REDIC1: variants seen among roughly 807,000 people sequenced by gnomAD.
REDIC1 encodes HEI10 Interacting Protein 1.
At chr12:39,711,266 T>G in the REDIC1 span, among the ~76,000 whole-genome samples, 1 of 149,868 alleles carries the variant, frequency 6.7e-6, no homozygotes, top group African/African-American at 2.4e-5. Context: ...ATATGTGATA[T>G]GTGTATATAT....
chr12:39,865,993 A>G, the REDIC1 span, among the ~76,000 whole-genome samples: 1 of 152,270 alleles, frequency 6.6e-6, no homozygotes, highest in East Asian at 1.9e-4. Flanking sequence ...GTTAACTTAT[A>G]TAACGAGCCT....
At chr12:39,703,122 T>A in the REDIC1 span, among the ~76,000 whole-genome samples, 8 of 152,106 alleles carry the variant, frequency 5.3e-5, no homozygotes, top group African/African-American at 1.7e-4. Flanking sequence ...GGGATTATAT[T>A]AGGAAAAGAG....
the REDIC1 span, among the ~76,000 whole-genome samples, chr12:39,794,247 T>C: frequency 6.6e-6 from 1 of 151,594 alleles, no homozygotes; most frequent in Non-Finnish European, 1.5e-5. Flanking sequence ...GTTTTTCCCC[T>C]ATAAAACCCC....
chr12:39,653,558 T>TTCTTCTTCTTTTTCTTCTTCTTCTTCTTC, the REDIC1 span, among the ~76,000 whole-genome samples: 1 of 43,844 alleles, frequency 2.3e-5, no homozygotes, highest in African/African-American at 6.9e-5. Context: ...CTTCTTCTTC[T>TTCTTCTTCTTTTTCTTCTTCTTCTTCTTC]TTCTTCTTCT....
the REDIC1 span, among the ~76,000 whole-genome samples, chr12:39,896,695 C>A: frequency 6.6e-6 from 1 of 151,808 alleles, no homozygotes; most frequent in African/African-American, 2.4e-5. Context: ...TCGTTATCTG[C>A]AATTTAAGAC....
the REDIC1 span, among the ~76,000 whole-genome samples, chr12:39,794,995 T>C: frequency 6.6e-6 from 1 of 152,190 alleles, no homozygotes; most frequent in African/African-American, 2.4e-5. Flanking sequence ...AGTCTCATTC[T>C]AATCTGTTTG....
At chr12:39,789,018 G>T in the REDIC1 span, among the ~76,000 whole-genome samples, 2 of 152,078 alleles carry the variant, frequency 1.3e-5, no homozygotes, top group South Asian at 4.1e-4. Context: ...ACTTATTAAA[G>T]TCTGTTATAC....
chr12:39,848,182 T>A, the REDIC1 span, among the ~76,000 whole-genome samples: 1 of 152,070 alleles, frequency 6.6e-6, no homozygotes, highest in Admixed American at 6.5e-5. Flanking sequence ...ACAAGTGGGA[T>A]CTAATTAAAC....
the REDIC1 span, chr12:39,626,287 G>C: frequency 6.2e-6 from 10 of 1,610,160 alleles, no homozygotes; most frequent in Non-Finnish European, 8.5e-6. Context: ...GCAGAGCTGA[G>C]ATGTCTGAGC....
chr12:39,745,886 T>C, the REDIC1 span: 1 of 152,242 alleles, frequency 6.6e-6, no homozygotes, highest in African/African-American at 2.4e-5. Flanking sequence ...GCTATTCCTT[T>C]GCTGACTGCA....
the REDIC1 span, among the ~76,000 whole-genome samples, chr12:39,688,475 T>C: frequency 6.6e-6 from 1 of 152,194 alleles, no homozygotes; most frequent in African/African-American, 2.4e-5. Flanking sequence ...GTTATTGTTA[T>C]AGCTACAATT....
At chr12:39,742,488 T>G in the REDIC1 span, among the ~76,000 whole-genome samples, 2 of 152,202 alleles carry the variant, frequency 1.3e-5, no homozygotes, top group Admixed American at 6.5e-5. Context: ...AAAATACAGC[T>G]GTCTTGGTGA....
the REDIC1 span, among the ~76,000 whole-genome samples, chr12:39,789,063 T>C: frequency 1.3e-5 from 2 of 152,170 alleles, no homozygotes; most frequent in African/African-American, 4.8e-5. Context: ...CTTTAAAGAA[T>C]GATAATAAGA....
chr12:39,871,905 A>C, the REDIC1 span: 1 of 1,611,498 alleles, frequency 6.2e-7, no homozygotes, highest in Non-Finnish European at 8.5e-7. Context: ...AGCCAGCCAT[A>C]TTGCAAGTCT....
the REDIC1 span, among the ~76,000 whole-genome samples, chr12:39,713,219 A>G: frequency 7.1e-6 from 1 of 141,558 alleles, no homozygotes; most frequent in East Asian, 2.1e-4. Context: ...ATATGTTTAT[A>G]TTACACATAT....
At chr12:39,679,956 A>T in the REDIC1 span, among the ~76,000 whole-genome samples, 2 of 152,110 alleles carry the variant, frequency 1.3e-5, no homozygotes, top group Non-Finnish European at 2.9e-5. Flanking sequence ...ATGAAACTGG[A>T]TCCTCATCTC....
chr12:39,671,933 C>A, the REDIC1 span, among the ~76,000 whole-genome samples: 1 of 152,048 alleles, frequency 6.6e-6, no homozygotes, highest in Non-Finnish European at 1.5e-5. Flanking sequence ...GTAAGATGAT[C>A]CCCAGACCCC....
At chr12:39,665,745 T>G in the REDIC1 span, among the ~76,000 whole-genome samples, 1 of 151,748 alleles carries the variant, frequency 6.6e-6, no homozygotes, top group Non-Finnish European at 1.5e-5. Flanking sequence ...CTCTTTTATT[T>G]CATTGAGCAG....
the REDIC1 span, among the ~76,000 whole-genome samples, chr12:39,636,923 T>C: frequency 6.6e-6 from 1 of 151,996 alleles, no homozygotes; most frequent in African/African-American, 2.4e-5. Context: ...TTGTGTCTTT[T>C]TAATTTTTTT....
Sources: gnomAD v4.1 joint callset for allele counts (sites outside exome capture counted in the v4.1 genomes callset) on GRCh38, gnomAD v4.1.1 for gene constraint, MANE v1.5 for transcripts, NCBI Gene and HGNC (gene_info 2026-07-23, HGNC 2026-07-21) for gene names.